The following GRHL3 variants were observed in gnomAD, a reference collection of about 807,000 sequenced individuals.
GRHL3 encodes grainyhead-like protein 3 homolog.
In GRHL3, 20 loss-of-function variants were observed where a neutral mutation model predicts 70.3. That is an observed-to-expected ratio of 0.28 (90% CI 0.20 to 0.41). The LOEUF is 0.41. GRHL3 is among the 10% of genes least tolerant of loss of function. The pLI is 1.00. For synonymous variants in GRHL3, 299 were observed against 299.9 expected, an observed-to-expected ratio of 1.00 and a Z score of 0.03; for missense variants, 637 against 762.3, an observed-to-expected ratio of 0.84 and a Z score of 1.94.
At chr1:24,327,370 A>G (rs774972024) in intron 1 of GRHL3, among the ~76,000 whole-genome samples, 3 of 152,210 alleles carry the variant, frequency 2.0e-5, no homozygotes, top group Non-Finnish European at 4.4e-5. Flanking sequence ...GTTGATTCCC[A>G]GTGCTCAGAA....
chr1:24,342,632 A>T lies in GRHL3; in HGVS notation c.1207-62A>T, dbSNP rs915536101. On this transcript the variant is annotated intron_variant, in intron 9 of 15. Transcript: ENST00000361548. The surrounding 1 kb of genome is among the most constrained non-coding windows in gnomAD (Gnocchi z 4.8). Reference sequence around the variant, plus strand: ...GCCCATATTTAAGATGCAAAGCAGCAGCTGTGAAAGTAGCTAGCCCCTCCC... The same window carrying T: ...GCCCATATTTAAGATGCAAAGCAGCTGCTGTGAAAGTAGCTAGCCCCTCCC... The T allele has an allele frequency of 2.2e-6, 3 of 1,375,908 alleles. No individual in the cohort carries two copies. In the East Asian group the frequency reaches 6.9e-5, roughly 32 times the overall value. 85.2% of individuals were successfully genotyped at this position (1,375,908 alleles called of 1,614,324 possible).
intron 12 of GRHL3, among the ~76,000 whole-genome samples, chr1:24,345,327 C>T (rs543961218): frequency 6.8e-6 from 1 of 146,038 alleles, no homozygotes; most frequent in East Asian, 2.0e-4. Flanking sequence ...CACCTGTGCC[C>T]TCTGTACCAT....
At chr1:24,355,679 C>T (rs925141653), downstream of GRHL3, among the ~76,000 whole-genome samples, 3 of 152,198 alleles carry the variant, frequency 2.0e-5, no homozygotes, top group Non-Finnish European at 2.9e-5. Flanking sequence ...GCCAGCTCTG[C>T]GCCTACTCTC....
chr1:24,364,044 C>A, intron 15 of GRHL3: 1 of 1,268,414 alleles, frequency 7.9e-7, no homozygotes, highest in Non-Finnish European at 1.0e-6. Context: ...TGTCCTGCTG[C>A]TTCCGTTTTA....
chr1:24,323,170 TG>T, intron 1 of GRHL3: 1 of 1,150,434 alleles, frequency 8.7e-7, no homozygotes, highest in Non-Finnish European at 1.3e-6. Flanking sequence ...ATGTTACCTT[TG>T]GAGTCGTTAA....
intron 13 of GRHL3, 61 bp from the exon 14 acceptor site, chr1:24,347,407 C>G (rs1297880667): frequency 2.9e-6 from 4 of 1,374,446 alleles, no homozygotes; most frequent in East Asian, 2.3e-5. Context: ...GATTCCCCAG[C>G]CCCTGAGATG....
intron 11 of GRHL3, among the ~76,000 whole-genome samples, chr1:24,343,734 G>A: frequency 6.6e-6 from 1 of 152,132 alleles, no homozygotes; most frequent in East Asian, 1.9e-4. Context: ...GTCTCCTAGT[G>A]CGCTTCCATA....
intron 3 of GRHL3, among the ~76,000 whole-genome samples, chr1:24,335,122 C>A (rs1334268722): frequency 6.6e-6 from 1 of 151,606 alleles, no homozygotes; most frequent in Non-Finnish European, 1.5e-5. Context: ...AAACAAACTT[C>A]AAAGCCTTAG....
intron 12 of GRHL3, among the ~76,000 whole-genome samples, chr1:24,346,121 C>A (rs1000569366): frequency 1.1e-4 from 17 of 150,978 alleles, no homozygotes; most frequent in African/African-American, 4.1e-4. Context: ...AGTCCTTCCA[C>A]CCCCCCACCC....
Position 24,321,937 on chromosome 1 carries a change from G to C in GRHL3, c.17+2369G>C, listed in dbSNP as rs981147552. On this transcript the variant is annotated intron_variant, in intron 1 of 15. Coordinates refer to ENST00000361548, the MANE Select transcript of GRHL3 (RefSeq NM_198173.3). This position sits in a 1 kb window ranked among gnomAD's most constrained non-coding sequence, Gnocchi z 4.0. ...GCGCAAGGGATCCTGGGCTGCGGCC[G>C]AGGGCGCCGGAAGTCGCCGCCGACC... 3 of 152,266 alleles carry C rather than the reference G, an allele frequency of 2.0e-5. No individual in the cohort carries two copies. The highest frequency in any genetic ancestry group is 6.5e-5 in the Admixed American group (1 of 15,300). 9.4% of individuals were successfully genotyped at this position (152,266 alleles called of 1,614,324 possible). A position where few individuals can be genotyped will look rare whatever the true frequency, so the allele number is the denominator to read the frequency against.
At chr1:24,357,589 C>T (rs1640806964), downstream of GRHL3, 1 of 159,100 alleles carries the variant, frequency 6.3e-6, no homozygotes, top group African/African-American at 2.4e-5. Flanking sequence ...CACAGTTGTA[C>T]AGGCCTTGGA....
chr1:24,355,129 G>GTT lies in GRHL3; in HGVS notation c.*642_*643dup, dbSNP rs200507693. ...CATTTCTTATTTACGATTTTCATTT[G>GTT]TTATATATATATATAAATATACTGT... On this transcript the variant is annotated 3_prime_UTR_variant, in exon 16 of 16. Coordinates refer to ENST00000361548, the MANE Select transcript of GRHL3 (RefSeq NM_198173.3). The GTT allele has an allele frequency of 9.3e-4, 141 of 151,766 alleles. 2 individuals are homozygous for GTT. In the East Asian group the frequency reaches 0.025, roughly 27 times the overall value. The allele number at this position is 151,766 out of a possible 1,614,324, so 9.4% of individuals were successfully genotyped here.
Position 24,354,549 on chromosome 1 carries a change from G to A in GRHL3, c.*61G>A, listed in dbSNP as rs987737967. 4.8e-6 allele frequency: 5 copies of A among 1,041,930 alleles called. No homozygotes were observed. The highest frequency in any genetic ancestry group is 1.6e-5 in the African/African-American group (1 of 64,204). 64.5% of individuals were successfully genotyped at this position (1,041,930 alleles called of 1,614,324 possible). A position where few individuals can be genotyped will look rare whatever the true frequency, so the allele number is the denominator to read the frequency against. ...GGGGCCAGCAGGGACGTGGCCCCAC[G>A]CCACACACAACCTCTCCACATGCCT... On this transcript the variant is annotated 3_prime_UTR_variant, in exon 16 of 16. Coordinates refer to ENST00000361548, the MANE Select transcript of GRHL3 (RefSeq NM_198173.3).
At chr1:24,358,291 C>T (rs1640856924), downstream of GRHL3, 1 of 663,798 alleles carries the variant, frequency 1.5e-6, no homozygotes, top group Non-Finnish European at 2.8e-6. Context: ...GGGGCTCTGT[C>T]CACTCCTCCC....
At chr1:24,323,252 CCATCAT>C (rs372665313) in intron 1 of GRHL3, 16 of 655,752 alleles carry the variant, frequency 2.4e-5, no homozygotes, top group African/African-American at 1.3e-4. Flanking sequence ...GGTCCGTGGA[CCATCAT>C]CATCATCATC....
chr1:24,361,013 G>T, intron 15 of GRHL3: 1 of 1,611,772 alleles, frequency 6.2e-7, no homozygotes, highest in African/African-American at 1.3e-5. Context: ...GGCGAAGGCT[G>T]AGCAGAGAAG....
intron 7 of GRHL3, among the ~76,000 whole-genome samples, chr1:24,339,270 C>T (rs1639943656): frequency 7.8e-6 from 1 of 127,658 alleles, no homozygotes; most frequent in Non-Finnish European, 1.6e-5. Context: ...AAGAGTGAGG[C>T]CCAGTTTTGT....
Position 24,336,637 on chromosome 1 carries a change from C to T in GRHL3, c.422C>T (p.Thr141Ile). The T allele has an allele frequency of 1.2e-6, 2 of 1,614,110 alleles. No individual in the cohort carries two copies. Residue 141 changes from threonine (T) to isoleucine (I), a missense_variant, in exon 4 of 16, where the codon ACC (threonine) becomes ATC (isoleucine). Around this residue, in one of 2 missense-constraint regions of GRHL3, gnomAD observed 250 missense variants for 248.6 expected, o/e 1.01. Transcript: ENST00000361548. ...ATGAGCTTGGAGGGGGCCTTGCCCA[C>T]CCCTGGCAAGGCAGCTCCCCTCCCT... ...NLMSLEGALP[T>I]PGKAAPLPAG... is the part of the protein sequence containing the mutation.
At chr1:24,363,137 C>G (rs189733007) in intron 15 of GRHL3, among the ~76,000 whole-genome samples, 1 of 152,318 alleles carries the variant, frequency 6.6e-6, no homozygotes, top group East Asian at 1.9e-4. Flanking sequence ...CCACCCTGTT[C>G]TTTGAGAAAA....
Sources: gnomAD v4.1 joint callset for allele counts (sites outside exome capture counted in the v4.1 genomes callset) on GRCh38, gnomAD v4.1.1 for gene constraint, gnomAD v4.1.1 regional missense constraint, Gnocchi (gnomAD v3.1) non-coding constraint, MANE v1.5 for transcripts, NCBI Gene and HGNC (gene_info 2026-07-23, HGNC 2026-07-21) for gene names.